DLG2: variants seen among roughly 807,000 people sequenced by gnomAD.
DLG2 encodes the protein discs large MAGUK scaffold protein 2, also known as disks large homolog 2.
DLG2 carries 45 observed loss-of-function variants against 132.5 expected under a neutral mutation model. The ratio of observed to expected loss-of-function variants is 0.34; its 90% CI spans 0.27 to 0.44. The LOEUF is 0.44. Among genes scored for constraint, DLG2 ranks in the 20% least tolerant of loss-of-function variants. The pLI is 1.00. For missense variants in DLG2, 1,045 were observed against 1,196.9 expected, an observed-to-expected ratio of 0.87 and a Z score of 1.87; for synonymous variants, 424 against 419.6, an observed-to-expected ratio of 1.01 and a Z score of -0.13.
chr11:84,760,436 A>G (rs552221592), intron 6 of DLG2, among the ~76,000 whole-genome samples: 17 of 152,318 alleles, frequency 1.1e-4, no homozygotes, highest in African/African-American at 3.1e-4. Context: ...AGGTTTACCA[A>G]TAGTCTGGGG....
intron 3 of DLG2, among the ~76,000 whole-genome samples, chr11:85,594,961 G>A (rs1047747783): frequency 2.0e-5 from 3 of 151,112 alleles, no homozygotes; most frequent in Non-Finnish European, 4.4e-5. Context: ...AGCTACTCGG[G>A]AGGCTGAGGC....
chr11:83,792,639 T>C (rs1175090962), intron 17 of DLG2, among the ~76,000 whole-genome samples: 1 of 152,192 alleles, frequency 6.6e-6, no homozygotes, highest in Non-Finnish European at 1.5e-5. Context: ...TAATATACCT[T>C]AGTCAGCTTT....
intron 19 of DLG2, among the ~76,000 whole-genome samples, chr11:83,603,813 C>T (rs530255736): frequency 6.6e-5 from 10 of 152,116 alleles, no homozygotes; most frequent in Non-Finnish European, 1.2e-4. Context: ...TACCCATTTT[C>T]TATAGGGCTG....
intron 6 of DLG2, among the ~76,000 whole-genome samples, chr11:84,615,655 T>G (rs1283098399): frequency 6.6e-6 from 1 of 151,390 alleles, no homozygotes; most frequent in Non-Finnish European, 1.5e-5. Flanking sequence ...AGGGACAGAG[T>G]TGCCCTCTGT....
chr11:84,948,419 C>T (rs1255614488), intron 6 of DLG2, among the ~76,000 whole-genome samples: 2 of 152,196 alleles, frequency 1.3e-5, no homozygotes, highest in Non-Finnish European at 2.9e-5. Flanking sequence ...AAAAGTGTGG[C>T]AGACAGAAGA....
At chr11:85,441,566 T>C (rs1376449151) in intron 3 of DLG2, among the ~76,000 whole-genome samples, 1 of 152,170 alleles carries the variant, frequency 6.6e-6, no homozygotes, top group Admixed American at 6.6e-5. Context: ...TCAACAAATA[T>C]TTATTATTAT....
chr11:83,724,476 T>TGTGTGTGA (rs762050933), intron 18 of DLG2, among the ~76,000 whole-genome samples: 37 of 118,234 alleles, frequency 3.1e-4, no homozygotes, highest in East Asian at 1.1e-3. Flanking sequence ...TGTGTGTGTG[T>TGTGTGTGA]GAGAGAGAGA....
At chr11:83,635,419 T>C (rs1245774768) in intron 18 of DLG2, among the ~76,000 whole-genome samples, 1 of 152,194 alleles carries the variant, frequency 6.6e-6, no homozygotes, top group East Asian at 1.9e-4. Flanking sequence ...AATTACAAAA[T>C]GAAGTCTATG....
chr11:85,236,525 T>A (rs2075596516), intron 4 of DLG2, among the ~76,000 whole-genome samples: 1 of 152,042 alleles, frequency 6.6e-6, no homozygotes, highest in Non-Finnish European at 1.5e-5. Flanking sequence ...CCTGACAGCC[T>A]CATTTTAACT....
chr11:84,595,891 T>C (rs2099555584), intron 6 of DLG2, among the ~76,000 whole-genome samples: 1 of 152,138 alleles, frequency 6.6e-6, no homozygotes, highest in Non-Finnish European at 1.5e-5. Context: ...AAAGAAATAA[T>C]TGGAGTTTTA....
chr11:85,367,903 C>G (rs1048373986), intron 3 of DLG2, among the ~76,000 whole-genome samples: 8 of 152,002 alleles, frequency 5.3e-5, no homozygotes, highest in Admixed American at 5.2e-4. Flanking sequence ...TTTTAATGTA[C>G]TCTTGAATTA....
At position 83,962,909 on chromosome 11, in the gene DLG2, A is replaced by G; in HGVS notation, c.1316T>C (p.Met439Thr). The part of the protein sequence containing the change: ...PGRYSPIPKH[M>T]LVDDDYTRPP... ...CCTGGTGTAGTCGTCGTCAACAAGC[A>G]TGTGCTTTGGAATTGGTGAGTACCT... Residue 439 changes from methionine (M) to threonine (T), a missense_variant, in exon 14 of 28, where the codon ATG (methionine) becomes ACG (threonine). Transcript: ENST00000376104. 1.2e-6 allele frequency: 2 copies of G among 1,613,040 alleles called. No individual in the cohort carries two copies. Among genetic ancestry groups the G allele is most frequent in the Non-Finnish European group, 1.7e-6 (2 of 1,179,168 alleles).
At chr11:83,986,138 C>T (rs1239359359) in intron 11 of DLG2, among the ~76,000 whole-genome samples, 1 of 151,468 alleles carries the variant, frequency 6.6e-6, no homozygotes, top group Admixed American at 6.6e-5. Context: ...ATACATGTGC[C>T]ATGTTGGTGT....
At chr11:83,472,612 A>G in intron 23 of DLG2, 115 bp downstream of exon 23, 2 of 858,860 alleles carry the variant, frequency 2.3e-6, no homozygotes, top group Non-Finnish European at 3.7e-6. Flanking sequence ...CGGTCTCAAG[A>G]CAACAGAGCA....
chr11:84,103,193 C>A (rs1370301355), intron 9 of DLG2, among the ~76,000 whole-genome samples: 1 of 152,092 alleles, frequency 6.6e-6, no homozygotes, highest in African/African-American at 2.4e-5. Flanking sequence ...TGTTCTCTTC[C>A]AGCCTTCCCT....
chr11:85,548,976 C>T (rs2076496551), intron 3 of DLG2, among the ~76,000 whole-genome samples: 1 of 152,068 alleles, frequency 6.6e-6, no homozygotes, highest in Admixed American at 6.5e-5. Flanking sequence ...CTGGCTTCAG[C>T]CCCCTTTCCA....
chr11:84,792,003 C>A (rs959986588), intron 6 of DLG2, among the ~76,000 whole-genome samples: 1 of 152,108 alleles, frequency 6.6e-6, no homozygotes, highest in Non-Finnish European at 1.5e-5. Flanking sequence ...GCATCCTTAT[C>A]ATGTTGCAGA....
At chr11:83,948,175 A>C (rs759954067) in intron 14 of DLG2, among the ~76,000 whole-genome samples, 6 of 152,242 alleles carry the variant, frequency 3.9e-5, no homozygotes, top group Non-Finnish European at 7.3e-5. Context: ...GCAAAACAAA[A>C]AATAAAATCT....
chr11:83,880,151 G>A (rs1353890651), intron 15 of DLG2, among the ~76,000 whole-genome samples: 1 of 152,100 alleles, frequency 6.6e-6, no homozygotes, highest in Non-Finnish European at 1.5e-5. Context: ...ACCCTGCCAA[G>A]GTCTGGTCTT....
Sources: gnomAD v4.1 joint callset for allele counts (sites outside exome capture counted in the v4.1 genomes callset) on GRCh38, gnomAD v4.1.1 for gene constraint, MANE v1.5 for transcripts, NCBI Gene and HGNC (gene_info 2026-07-23, HGNC 2026-07-21) for gene names.